Variants in PSG2 observed in about 807,000 individuals in gnomAD.
PSG2 encodes pregnancy-specific beta-1-glycoprotein 2.
A neutral mutation model predicts 36.2 loss-of-function variants in PSG2; 49 were observed. The observed-to-expected ratio is 1.35, with a 90% CI of 1.08 to 1.72. The LOEUF (loss-of-function observed/expected upper bound fraction) is 1.72. PSG2 is among the 40% of genes most tolerant of loss of function. The pLI is 0.00. For synonymous variants in PSG2, 261 were observed against 155.6 expected, an observed-to-expected ratio of 1.68 and a Z score of -5.04; for missense variants, 605 against 407.2, an observed-to-expected ratio of 1.49 and a Z score of -4.18.
chr19:43,081,292 G>A, intron 1 of PSG2, 46 bp from the exon 2 acceptor site: 1 of 1,575,506 alleles, frequency 6.3e-7, no homozygotes, highest in South Asian at 1.2e-5. Context: ...CCTATGTATT[G>A]GGGTGAAAAG....
intron 5 of PSG2, among the ~76,000 whole-genome samples, chr19:43,065,044 C>T (rs1375485743): frequency 6.6e-6 from 1 of 151,654 alleles, no homozygotes; most frequent in East Asian, 1.9e-4. Flanking sequence ...ACCGTGTTAA[C>T]CAGGATGGTC....
rs77035666 is a variant in PSG2 at position 43,071,753 on chromosome 19, C to T, written c.911G>A (p.Arg304His). ...KHSGLYVCSV[R>H]NSATGEESST... is the part of the protein sequence containing the mutation. ...GCTTTCCTCGCCAGTGGCTGAGTTA[C>T]GAACAGAGCAAACATAGAGCCCGCT... is the stretch of plus-strand genomic sequence containing the variant. The change falls in exon 4 of 6, where the codon CGT becomes CAT. Residue 304 changes from arginine to histidine, a missense_variant. Arg to His is a conservative substitution (Grantham distance 29). Transcript: ENST00000406487. 176,574 of 1,612,494 alleles carry T rather than the reference C, an allele frequency of 0.11. 11,739 individuals are homozygous for T. The highest frequency in any genetic ancestry group is 0.18 in the Admixed American group (10,938 of 59,926).
Position 43,071,946 on chromosome 19 carries a change from C to T in PSG2, c.718G>A (p.Asp240Asn), listed in dbSNP as rs149063345. The change falls in exon 4 of 6, where the codon GAC becomes AAC. Residue 240 changes from aspartate (D) to asparagine (N), a missense_variant. By Grantham distance (23) the Asp-to-Asn change is conservative. Coordinates refer to ENST00000406487, the MANE Select transcript of PSG2 (RefSeq NM_031246.4). ...TATGAAGGGTGAATTCTGGGGAGGT[C>T]TGGACCATCTGGAGCAAAGAGAATA... ...PVTLNLLHGP[D>N]LPRIHPSYTN... The T allele has an allele frequency of 1.9e-6, 3 of 1,612,272 alleles. 1 individual carries two copies. In the African/African-American group the frequency reaches 4.0e-5, roughly 22 times the overall value.
At chr19:43,078,271 A>G (rs1187342110) in intron 2 of PSG2, among the ~76,000 whole-genome samples, 2 of 151,730 alleles carry the variant, frequency 1.3e-5, no homozygotes, top group African/African-American at 4.9e-5. Flanking sequence ...TACTTTGCCC[A>G]GGGACGGCCT....
At position 43,081,148 on chromosome 19, in the gene PSG2, C is replaced by A. The variant is rs751607282; in HGVS notation, c.163G>T (p.Val55Phe). ...GTAAGATTCTGGGGCAAATTGTGGACAAGTAGAAGAACATCCTTCCCCTCG... is the reference window on the plus strand; with the variant it reads ...GTAAGATTCTGGGGCAAATTGTGGAAAAGTAGAAGAACATCCTTCCCCTCG... The part of the protein sequence containing the change: ...VSEGKDVLLL[V>F]HNLPQNLTGY... Residue 55 changes from valine (V) to phenylalanine (F), a missense_variant, in exon 2 of 6, where the codon GTC (valine) becomes TTC (phenylalanine). Physicochemically the swap from Val to Phe is conservative, Grantham distance 50. Transcript: ENST00000406487. The A allele has an allele frequency of 6.2e-7, 1 of 1,612,746 alleles. No homozygotes were observed. Among genetic ancestry groups the A allele is most frequent in the Non-Finnish European group, 8.5e-7 (1 of 1,179,676 alleles).
chr19:43,074,359 C>CT (rs1568513821), intron 3 of PSG2, among the ~76,000 whole-genome samples: 1 of 151,684 alleles, frequency 6.6e-6, no homozygotes, highest in Non-Finnish European at 1.5e-5. Flanking sequence ...TTGATATCGT[C>CT]TTTAATTTCT....
At chr19:43,073,382 T>G (rs1411760129) in intron 3 of PSG2, among the ~76,000 whole-genome samples, 3 of 151,764 alleles carry the variant, frequency 2.0e-5, no homozygotes, top group Non-Finnish European at 4.4e-5. Context: ...AAGTTTCCTC[T>G]CCTTCTGCAG....
chr19:43,079,618 CT>C (rs1488463667), intron 2 of PSG2, among the ~76,000 whole-genome samples: 1 of 151,598 alleles, frequency 6.6e-6, no homozygotes, highest in Non-Finnish European at 1.5e-5. Context: ...GACATGGACA[CT>C]TTGGGAAACA....
chr19:43,068,065 T>TA (rs1168156254), intron 4 of PSG2, among the ~76,000 whole-genome samples: 1 of 151,190 alleles, frequency 6.6e-6, no homozygotes, highest in Non-Finnish European at 1.5e-5. Flanking sequence ...TTCTTCAAAA[T>TA]AAAATCAACA....
In PSG2 at chr19:43,075,535, T is replaced by C. The variant is rs1281459137; in HGVS notation, c.528A>G (p.Thr176=). 7 of 1,613,262 alleles carry C rather than the reference T, an allele frequency of 4.3e-6. No homozygotes were observed. The part of the protein sequence containing the change: ...ILTCDPETPD[T]SYQWWMNGQS... ...GACCATTCATCCACCACTGGTAGCTTGTGTCCGGAGTCTCAGGATCACAGG... is the reference window on the plus strand; with the variant it reads ...GACCATTCATCCACCACTGGTAGCTCGTGTCCGGAGTCTCAGGATCACAGG... The change falls in exon 3 of 6, where the codon ACA becomes ACG. Residue 176 remains threonine, a synonymous_variant. Transcript: ENST00000406487.
rs1485957303 is a variant in PSG2 at position 43,075,763 on chromosome 19, G to A, written c.431-131C>T. 6.7e-6 allele frequency: 10 copies of A among 1,493,086 alleles called. No individual in the cohort carries two copies. The East Asian group carries it at 2.0e-4, about 31-fold the overall frequency. The allele number at this position is 1,493,086 out of a possible 1,614,324, so 92.5% of individuals were successfully genotyped here. On this transcript the variant is annotated intron_variant, in intron 2 of 5. Transcript: ENST00000406487. Reference sequence around the variant, plus strand: ...CCTTAAAAGCCCATGGCAGGTGTGTGTGTTACAAGACAGATGCATGGCAAT... The same window carrying A: ...CCTTAAAAGCCCATGGCAGGTGTGTATGTTACAAGACAGATGCATGGCAAT...
chr19:43,065,828 C>T, intron 5 of PSG2: 1 of 151,926 alleles, frequency 6.6e-6, no homozygotes, highest in Non-Finnish European at 1.5e-5. Context: ...CACGAGGTCA[C>T]ATGTTGCTTG....
At chr19:43,070,941 C>T (rs1967806037) in intron 4 of PSG2, among the ~76,000 whole-genome samples, 1 of 151,668 alleles carries the variant, frequency 6.6e-6, no homozygotes, top group Non-Finnish European at 1.5e-5. Flanking sequence ...CCCTATTTCT[C>T]TAGCTCTGCA....
At chr19:43,076,957 T>TG (rs11448763) in intron 2 of PSG2, among the ~76,000 whole-genome samples, 26,480 of 151,252 alleles carry the variant, frequency 0.18, 4,192 homozygotes, top group African/African-American at 0.4. Flanking sequence ...GGTTGAGTTT[T>TG]GAGCATTTCA....
intron 4 of PSG2, 122 bp downstream of exon 4, chr19:43,071,578 T>G: frequency 6.2e-7 from 1 of 1,606,956 alleles, no homozygotes; most frequent in Non-Finnish European, 8.5e-7. Context: ...GGAGGAGAAT[T>G]TGGGATTTGC....
chr19:43,078,488 T>G (rs546739298), intron 2 of PSG2, among the ~76,000 whole-genome samples: 79 of 151,794 alleles, frequency 5.2e-4, no homozygotes, highest in Non-Finnish European at 1.0e-3. Context: ...TTCTTTTGCA[T>G]TCTGGCAACT....
At chr19:43,072,068 CA>C in intron 3 of PSG2, 114 bp from the exon 4 acceptor site, 1 of 1,456,478 alleles carries the variant, frequency 6.9e-7, no homozygotes, top group Non-Finnish European at 9.3e-7. Context: ...CAAGTCCCAG[CA>C]AAACCCCCTC....
intron 3 of PSG2, among the ~76,000 whole-genome samples, chr19:43,074,044 C>G (rs1403918632): frequency 6.6e-6 from 1 of 151,618 alleles, no homozygotes; most frequent in Non-Finnish European, 1.5e-5. Context: ...CAATTCCATA[C>G]TGGCCATGCT....
At chr19:43,073,580 A>C (rs1967849649) in intron 3 of PSG2, among the ~76,000 whole-genome samples, 1 of 151,598 alleles carries the variant, frequency 6.6e-6, no homozygotes, top group South Asian at 2.1e-4. Flanking sequence ...TGAACAATCT[A>C]CTCTGTGATT....
Sources: gnomAD v4.1 joint callset for allele counts (sites outside exome capture counted in the v4.1 genomes callset) on GRCh38, gnomAD v4.1.1 for gene constraint, MANE v1.5 for transcripts, NCBI Gene and HGNC (gene_info 2026-07-23, HGNC 2026-07-21) for gene names.